The following MMP8 variants were observed in gnomAD, a reference collection of about 807,000 sequenced individuals.
MMP8 encodes neutrophil collagenase.
Under a neutral mutation model 51.2 loss-of-function variants are expected in MMP8, and 67 were observed. The ratio of observed to expected loss-of-function variants is 1.31; its 90% confidence interval spans 1.08 to 1.60. The LOEUF (loss-of-function observed/expected upper bound fraction) is 1.60. MMP8 is among the 40% of genes most tolerant of loss of function. The pLI is 0.00. For synonymous variants in MMP8, 225 were observed against 191.0 expected, an observed-to-expected ratio of 1.18 and a Z score of -1.47; for missense variants, 654 against 558.1, an observed-to-expected ratio of 1.17 and a Z score of -1.73.
In MMP8 at chr11:102,722,636, T is replaced by C; in HGVS notation, c.140A>G (p.Gln47Arg). Reference sequence around the variant, plus strand: ...GCCATTCTTCCTTGTAGACTGATACTGGTTGCTTGGTAATTGGTAGAACTT... The same window carrying C: ...GCCATTCTTCCTTGTAGACTGATACCGGTTGCTTGGTAATTGGTAGAACTT... ...LEKFYQLPSN[Q>R]YQSTRKNGTN... The change falls in exon 2 of 10, where the codon CAG becomes CGG. Residue 47 changes from glutamine to arginine, a missense_variant. Coordinates refer to ENST00000236826, the MANE Select transcript of MMP8 (RefSeq NM_002424.3). 6.2e-7 allele frequency: 1 copy of C among 1,613,846 alleles called. No homozygotes were observed. Among genetic ancestry groups the C allele is most frequent in the South Asian group, 1.1e-5 (1 of 91,074 alleles).
At position 102,716,423 on chromosome 11, in the gene MMP8, GAAAAAAAAAAAAAA is replaced by G. The variant is rs751481811; in HGVS notation, c.785-18_785-5del. The G allele has an allele frequency of 1.0e-5, 4 of 395,676 alleles. No homozygotes were observed. The highest frequency in any genetic ancestry group is 1.6e-5 in the Non-Finnish European group (4 of 244,260). 24.5% of individuals were successfully genotyped at this position (395,676 alleles called of 1,614,324 possible). ...TGGATAGGGTTGCTTGAAAGTCCTG[GAAAAAAAAAAAAAA>G]AAAAAAAAAAGGTCTTTCTTATGAG... is the stretch of plus-strand genomic sequence containing the variant. On this transcript the variant is annotated splice_region_variant and splice_polypyrimidine_tract_variant and intron_variant, in intron 5 of 9. Coordinates refer to ENST00000236826, the MANE Select transcript of MMP8 (RefSeq NM_002424.3).
At chr11:102,717,280 G>C (rs1861326217) in intron 5 of MMP8, among the ~76,000 whole-genome samples, 1 of 152,186 alleles carries the variant, frequency 6.6e-6, no homozygotes, top group African/African-American at 2.4e-5. Flanking sequence ...CGTGAAGAGA[G>C]ATGTAATGGT....
rs760985827 is a variant in MMP8 at position 102,713,416 on chromosome 11, C to T, written c.1336G>A (p.Asp446Asn). ...CTGGTAACTCTCTGAGCAATAAGAT[C>T]AAATGCGTAATATCTTGGTCCACTG... ...VFSGPRYYAFDLIAQRVTRVA... is the reference protein window; with the variant it reads ...VFSGPRYYAFNLIAQRVTRVA... The change falls in exon 10 of 10, where the codon GAT (aspartate) becomes AAT (asparagine). Residue 446 changes from aspartate (D) to asparagine (N), a missense_variant. Physicochemically the swap from Asp to Asn is conservative, Grantham distance 23. Transcript: ENST00000236826. The T allele has an allele frequency of 3.1e-6, 5 of 1,613,560 alleles. No individual in the cohort carries two copies. The South Asian group carries it at 5.5e-5, about 18-fold the overall frequency.
rs1458854194 is a variant in MMP8, at chr11:102,716,423, G to A, written c.785-4C>T. On this transcript the variant is annotated splice_polypyrimidine_tract_variant and splice_region_variant and intron_variant, in intron 5 of 9. Coordinates refer to ENST00000236826, the MANE Select transcript of MMP8 (RefSeq NM_002424.3). ...TGGATAGGGTTGCTTGAAAGTCCTG[G>A]AAAAAAAAAAAAAAAAAAAAAAAAG... 471 of 395,252 alleles carry A rather than the reference G, an allele frequency of 1.2e-3. No individual in the cohort carries two copies. The highest frequency in any genetic ancestry group is 2.1e-3 in the South Asian group (72 of 34,458). 24.5% of individuals were successfully genotyped at this position (395,252 alleles called of 1,614,324 possible). A position where few individuals can be genotyped will look rare whatever the true frequency, so the allele number is the denominator to read the frequency against.
chr11:102,714,515 C>G, intron 8 of MMP8, 41 bp downstream of exon 8: 1 of 1,339,154 alleles, frequency 7.5e-7, no homozygotes, highest in Non-Finnish European at 9.7e-7. Context: ...GGTAGAGAAA[C>G]ACAGATTTCA....
chr11:102,723,560 T>C (rs1252143652), intron 1 of MMP8: 2 of 452,096 alleles, frequency 4.4e-6, no homozygotes, highest in Non-Finnish European at 8.9e-6. Context: ...TGTCATAACA[T>C]GGCAGAGAAA....
chr11:102,715,504 A>T, intron 6 of MMP8, 67 bp from the exon 7 acceptor site: 2 of 1,544,778 alleles, frequency 1.3e-6, no homozygotes, highest in Admixed American at 4.1e-5. Context: ...AGTTCCTGTG[A>T]CTTTTAGGCT....
At chr11:102,713,538 T>G in intron 9 of MMP8, 81 bp from the exon 10 acceptor site, 2 of 1,232,808 alleles carry the variant, frequency 1.6e-6, no homozygotes, top group Non-Finnish European at 2.3e-6. Flanking sequence ...CTGCCCCTGT[T>G]CCAACATAAC....
chr11:102,721,343 C>A, intron 4 of MMP8, 58 bp downstream of exon 4: 2 of 1,395,398 alleles, frequency 1.4e-6, no homozygotes, highest in Non-Finnish European at 2.0e-6. Context: ...TGTGTGTATT[C>A]TAATCTGTAA....
At chr11:102,720,028 A>C (rs1190136382) in intron 4 of MMP8, among the ~76,000 whole-genome samples, 1 of 152,212 alleles carries the variant, frequency 6.6e-6, no homozygotes, top group African/African-American at 2.4e-5. Flanking sequence ...AAGCAATTCA[A>C]GCAAATGTGA....
At chr11:102,720,258 G>A (rs1861428955) in intron 4 of MMP8, among the ~76,000 whole-genome samples, 1 of 152,186 alleles carries the variant, frequency 6.6e-6, no homozygotes, top group South Asian at 2.1e-4. Context: ...TGTGATCCAA[G>A]ATGGGCTTCC....
At chr11:102,718,609 T>C in intron 4 of MMP8, 34 bp from the exon 5 acceptor site, 1 of 1,612,596 alleles carries the variant, frequency 6.2e-7, no homozygotes, top group South Asian at 1.1e-5. Flanking sequence ...AACAGCTCAG[T>C]GTGGATCCCA....
intron 1 of MMP8, chr11:102,723,549 G>C: frequency 2.2e-6 from 1 of 454,808 alleles, no homozygotes; most frequent in Non-Finnish European, 4.4e-6. Flanking sequence ...GCCTTGTGCT[G>C]TGTCATAACA....
intron 4 of MMP8, among the ~76,000 whole-genome samples, chr11:102,720,567 A>C (rs1344752750): frequency 7.2e-5 from 11 of 152,162 alleles, no homozygotes; most frequent in Admixed American, 7.2e-4. Context: ...TATTTTCTAA[A>C]AGTGCTCTCT....
At chr11:102,716,534 A>G in intron 5 of MMP8, 115 bp from the exon 6 acceptor site, 1 of 557,582 alleles carries the variant, frequency 1.8e-6, no homozygotes, top group Non-Finnish European at 3.2e-6. Context: ...TGTGAAGGTA[A>G]GTGCTACCAG....
chr11:102,713,659 A>G, intron 9 of MMP8, 95 bp downstream of exon 9: 3 of 1,148,242 alleles, frequency 2.6e-6, no homozygotes, highest in Non-Finnish European at 3.8e-6. Flanking sequence ...TGAGGCCAGG[A>G]GTTTGACACT....
chr11:102,722,394 T>C (rs764717157), intron 2 of MMP8, 35 bp downstream of exon 2: 2 of 1,609,014 alleles, frequency 1.2e-6, no homozygotes, highest in South Asian at 2.2e-5. Flanking sequence ...CCATACTGGA[T>C]AAATGAGTGT....
In MMP8 at chr11:102,714,702, T is replaced by C. The variant is rs752737901; in HGVS notation, c.1044A>G (p.Gln348=). 2.1e-5 allele frequency: 32 copies of C among 1,500,414 alleles called. No homozygotes were observed. In the African/African-American group the frequency reaches 4.2e-4, roughly 20 times the overall value. The allele number at this position is 1,500,414 out of a possible 1,614,324, so 92.9% of individuals were successfully genotyped here. A position where few individuals can be genotyped will look rare whatever the true frequency, so the allele number is the denominator to read the frequency against. ...TATCATAGCCACTCAGAGCCCAGTA[T>C]TGGTTGCCTGTCAATGATTCAGGTT... ...RDLIFLFKGN[Q]YWALSGYDIL... is the part of the protein sequence containing the mutation. The change falls in exon 8 of 10, where the codon CAA becomes CAG. Residue 348 remains glutamine, a synonymous_variant. Transcript: ENST00000236826.
intron 8 of MMP8, 110 bp from the exon 9 acceptor site, chr11:102,713,967 C>G: frequency 1.6e-6 from 1 of 637,416 alleles, no homozygotes; most frequent in Admixed American, 3.1e-5. Context: ...TTTTTTCATT[C>G]AGTTCTCACA....
Sources: gnomAD v4.1 joint callset for allele counts (sites outside exome capture counted in the v4.1 genomes callset) on GRCh38, gnomAD v4.1.1 for gene constraint, MANE v1.5 for transcripts, NCBI Gene and HGNC (gene_info 2026-07-23, HGNC 2026-07-21) for gene names.